The following AXIN1 variants were observed in gnomAD, a reference collection of about 807,000 sequenced individuals.
AXIN1 encodes axin-1.
In AXIN1, 30 loss-of-function variants were observed where a neutral mutation model predicts 76.4. The observed-to-expected ratio is 0.39, with a 90% CI of 0.29 to 0.53. AXIN1 has a LOEUF of 0.53. Among genes scored for constraint, AXIN1 ranks in the 20% least tolerant of loss-of-function variants. The pLI is 0.66. For missense variants in AXIN1, 1,140 were observed against 1,198.8 expected (o/e 0.95, Z 0.72); for synonymous variants, 545 against 501.4 (o/e 1.09, Z -1.16).
intron 7 of AXIN1, among the ~76,000 whole-genome samples, chr16:296,593 C>T (rs1229166760): frequency 6.6e-6 from 1 of 152,200 alleles, no homozygotes; most frequent in African/African-American, 2.4e-5. Flanking sequence ...AGGCCTCTGC[C>T]CTTCTGGGAG....
At chr16:348,142 C>T (rs1260237272) in intron 1 of AXIN1, among the ~76,000 whole-genome samples, 1 of 152,194 alleles carries the variant, frequency 6.6e-6, no homozygotes, top group South Asian at 2.1e-4. Flanking sequence ...TCCAACAGAA[C>T]CCCTGCCATG....
chr16:342,227 T>A (rs2053940295), intron 2 of AXIN1, among the ~76,000 whole-genome samples: 1 of 150,906 alleles, frequency 6.6e-6, no homozygotes, highest in South Asian at 2.1e-4. Flanking sequence ...CTGAAGCCAG[T>A]GAGACCACGA....
intron 6 of AXIN1, among the ~76,000 whole-genome samples, 198 bp downstream of exon 6, chr16:297,524 C>T (rs953562159): frequency 2.0e-5 from 3 of 152,116 alleles, no homozygotes; most frequent in African/African-American, 4.8e-5. Context: ...CGGGCTGTGT[C>T]CCCTAACCTT....
rs367776912 is a variant in AXIN1 at position 305,661 on chromosome 16, A to G, written c.1117-1220T>C. Among the ~76,000 whole-genome samples, 391 of 152,184 alleles carry G rather than the reference A, an allele frequency of 2.6e-3. 2 individuals carry two copies. The highest frequency in any genetic ancestry group is 0.01 in the Middle Eastern group (3 of 294). ...CGGGTTCACGCCATTCTCCTGCCTC[A>G]GCCTCCCGAGTAGCTGGGACTACAG... On this transcript the variant is annotated intron_variant, in intron 4 of 10. Coordinates refer to ENST00000262320, the MANE Select transcript of AXIN1 (RefSeq NM_003502.4).
At chr16:339,372 G>A (rs1265579005) in intron 2 of AXIN1, among the ~76,000 whole-genome samples, 4 of 150,470 alleles carry the variant, frequency 2.7e-5, no homozygotes, top group South Asian at 2.1e-4. Flanking sequence ...TTAGCCGGGC[G>A]TGGTGACACG....
chr16:296,511 C>T (rs1254866914), intron 7 of AXIN1, among the ~76,000 whole-genome samples: 1 of 152,214 alleles, frequency 6.6e-6, no homozygotes, highest in African/African-American at 2.4e-5. Flanking sequence ...AGGAGCAACA[C>T]CAAGACCGGC....
At chr16:292,653 G>A (rs1435607389) in intron 8 of AXIN1, 1 of 152,230 alleles carries the variant, frequency 6.6e-6, no homozygotes, top group East Asian at 1.9e-4. Context: ...GTGAGCTATA[G>A]GCTCCCAGGA....
At chr16:317,266 G>C (rs1669646523) in intron 2 of AXIN1, among the ~76,000 whole-genome samples, 1 of 152,228 alleles carries the variant, frequency 6.6e-6, no homozygotes, top group South Asian at 2.1e-4. Flanking sequence ...CTGTGGCGGT[G>C]CTGGGCAGGG....
At chr16:307,614 G>C (rs2053061192) in intron 4 of AXIN1, among the ~76,000 whole-genome samples, 1 of 152,192 alleles carries the variant, frequency 6.6e-6, no homozygotes, top group South Asian at 2.1e-4. Flanking sequence ...TGATGGGCAG[G>C]TGTTAAAGAG....
intron 2 of AXIN1, among the ~76,000 whole-genome samples, chr16:342,867 G>C (rs944739777): frequency 6.6e-6 from 1 of 152,268 alleles, no homozygotes; most frequent in African/African-American, 2.4e-5. Context: ...GCACACCTGA[G>C]GCTCTGCCTC....
At chr16:290,770 C>T (rs1230325118) in intron 9 of AXIN1, 1 of 351,818 alleles carries the variant, frequency 2.8e-6, no homozygotes, top group Non-Finnish European at 5.6e-6. Context: ...TGGCTGAGAC[C>T]CACACTGCAA....
chr16:328,910 G>A (rs1465385788), intron 2 of AXIN1, among the ~76,000 whole-genome samples: 1 of 151,976 alleles, frequency 6.6e-6, no homozygotes, highest in African/African-American at 2.4e-5. Flanking sequence ...GGGCAGGGAG[G>A]GTCTGCCAGG....
chr16:298,210 T>C lies in AXIN1; in HGVS notation c.1296A>G (p.Pro432=). ...GEDGDPSSGP[P]GPCHKLPPAP... is the part of the protein sequence containing the mutation. ...CGGGAGGCAGCTTGTGACACGGCCC[T>C]GGGGGCCCTGACGATGGATCGCCGT... Residue 432 remains proline (P), a synonymous_variant, in exon 6 of 11, where the codon CCA becomes CCG. Coordinates refer to ENST00000262320, the MANE Select transcript of AXIN1 (RefSeq NM_003502.4). 1 of 1,540,962 alleles carries C rather than the reference T, an allele frequency of 6.5e-7. No homozygotes were observed. Among genetic ancestry groups the C allele is most frequent in the Non-Finnish European group, 8.7e-7 (1 of 1,147,170 alleles).
At position 302,656 on chromosome 16, in the gene AXIN1, C is replaced by T. The variant is rs145860802; in HGVS notation, c.1254+1648G>A. ...TCCAGGCTTCAGGGCACAGCTCACC[C>T]GGGTAGCGGGTGAAAGAGTGAGTGT... On this transcript the variant is annotated intron_variant, in intron 5 of 10. Coordinates refer to ENST00000262320, the MANE Select transcript of AXIN1 (RefSeq NM_003502.4). Among the ~76,000 whole-genome samples the T allele has an allele frequency of 8.5e-5, 13 of 152,276 alleles. No homozygotes were observed. The East Asian group carries it at 2.3e-3, about 27-fold the overall frequency.
At chr16:319,076 G>T (rs2053379095) in intron 2 of AXIN1, among the ~76,000 whole-genome samples, 1 of 152,178 alleles carries the variant, frequency 6.6e-6, no homozygotes, top group Non-Finnish European at 1.5e-5. Flanking sequence ...AGCTCTTCTG[G>T]AACAGGTGCC....
intron 2 of AXIN1, among the ~76,000 whole-genome samples, chr16:323,299 T>C (rs1325959168): frequency 3.4e-5 from 5 of 146,658 alleles, no homozygotes; most frequent in Admixed American, 6.8e-5. Context: ...ATTAGCCGGG[T>C]GCGGTGGCGG....
At chr16:331,957 A>T (rs556692428) in intron 2 of AXIN1, among the ~76,000 whole-genome samples, 1 of 152,276 alleles carries the variant, frequency 6.6e-6, no homozygotes, top group South Asian at 2.1e-4. Context: ...GACCACGGTG[A>T]CTAAGGGCCC....
chr16:312,609 C>T (rs1258243827), intron 3 of AXIN1, among the ~76,000 whole-genome samples: 1 of 152,230 alleles, frequency 6.6e-6, no homozygotes, highest in Admixed American at 6.5e-5. Flanking sequence ...GCTTCAACTC[C>T]AGTAACCTCA....
intron 2 of AXIN1, among the ~76,000 whole-genome samples, chr16:318,762 G>A (rs1278577930): frequency 6.7e-6 from 1 of 149,992 alleles, no homozygotes; most frequent in Non-Finnish European, 1.5e-5. Context: ...CTGTATGCCC[G>A]CCCTTCACGA....
Sources: gnomAD v4.1 joint callset for allele counts (sites outside exome capture counted in the v4.1 genomes callset) on GRCh38, gnomAD v4.1.1 for gene constraint, MANE v1.5 for transcripts, NCBI Gene and HGNC (gene_info 2026-07-23, HGNC 2026-07-21) for gene names.